Variants in CAMTA1 observed in about 807,000 individuals in gnomAD.
CAMTA1 encodes the protein calmodulin-binding transcription activator 1.
In CAMTA1, 27 loss-of-function variants were observed where a neutral mutation model predicts 170.9. That is an observed-to-expected ratio of 0.16 (90% CI 0.12 to 0.22). The LOEUF (loss-of-function observed/expected upper bound fraction) is 0.22, where lower values mean the gene tolerates loss of function less well. Ranked by LOEUF, CAMTA1 falls within the 10% of genes least tolerant of loss-of-function variation. The pLI is 1.00. For missense variants in CAMTA1, 1,619 were observed against 2,217.2 expected, an observed-to-expected ratio of 0.73 and a Z score of 5.42; for synonymous variants, 833 against 891.5, an observed-to-expected ratio of 0.93 and a Z score of 1.17.
At chr1:7,231,298 G>T (rs367627198) in intron 4 of CAMTA1, among the ~76,000 whole-genome samples, 1 of 151,166 alleles carries the variant, frequency 6.6e-6, no homozygotes. Flanking sequence ...GGCACTGCGT[G>T]ACCCCAGCAT....
intron 5 of CAMTA1, among the ~76,000 whole-genome samples, chr1:7,277,702 G>A (rs989930911): frequency 6.6e-6 from 1 of 151,898 alleles, no homozygotes; most frequent in Non-Finnish European, 1.5e-5. Context: ...ATAAAGACAA[G>A]GAAGACATTG....
At chr1:7,261,483 A>T (rs142004583) in intron 5 of CAMTA1, among the ~76,000 whole-genome samples, 1 of 152,320 alleles carries the variant, frequency 6.6e-6, no homozygotes, top group East Asian at 1.9e-4. Context: ...CAGATTTCCA[A>T]CGGAAGTGAG....
At chr1:7,320,928 A>G (rs1678319369) in intron 5 of CAMTA1, among the ~76,000 whole-genome samples, 1 of 152,106 alleles carries the variant, frequency 6.6e-6, no homozygotes, top group South Asian at 2.1e-4. Context: ...CTACAATGAC[A>G]CCTGGGGTCT....
At chr1:7,117,684 C>T (rs9434469) in intron 4 of CAMTA1, among the ~76,000 whole-genome samples, 46,728 of 152,018 alleles carry the variant, frequency 0.31, 7,697 homozygotes, top group Middle Eastern at 0.39. Flanking sequence ...CGGCCTCTGG[C>T]GCTGGCTTAT....
At chr1:6,850,036 G>GA (rs146898163) in intron 3 of CAMTA1, among the ~76,000 whole-genome samples, 775 of 64,980 alleles carry the variant, frequency 0.012, 7 homozygotes, top group African/African-American at 0.03. Flanking sequence ...CTTTGTCTCA[G>GA]AAAAAAAAAA....
chr1:7,449,205 G>A (rs970451518), intron 5 of CAMTA1, among the ~76,000 whole-genome samples: 2 of 152,230 alleles, frequency 1.3e-5, no homozygotes, highest in African/African-American at 2.4e-5. Context: ...CTGATAAAGC[G>A]AGGAGATGTA....
intron 6 of CAMTA1, among the ~76,000 whole-genome samples, chr1:7,544,467 C>A (rs2094661170): frequency 6.6e-6 from 1 of 152,170 alleles, no homozygotes; most frequent in South Asian, 2.1e-4. Context: ...CATCTCTAAC[C>A]ATTGAGGGTC....
chr1:7,384,346 C>G (rs1277748049), intron 5 of CAMTA1, among the ~76,000 whole-genome samples: 1 of 152,194 alleles, frequency 6.6e-6, no homozygotes, highest in Non-Finnish European at 1.5e-5. Flanking sequence ...GAAAGGGGAG[C>G]AAGCTGGCCA....
At chr1:7,103,647 AAC>A (rs1245095962) in intron 4 of CAMTA1, among the ~76,000 whole-genome samples, 9 of 148,442 alleles carry the variant, frequency 6.1e-5, no homozygotes, top group South Asian at 4.3e-4. Flanking sequence ...ACGCACACAC[AAC>A]ACAACACATG....
chr1:7,293,794 A>C lies in CAMTA1; in HGVS notation c.438+44168A>C, dbSNP rs1165544059. On this transcript the variant is annotated intron_variant, in intron 5 of 22. Transcript: ENST00000303635. This position sits in a 1 kb window ranked among gnomAD's most constrained non-coding sequence, Gnocchi z 4.1. ...TGTTGCTGCCTCCCGATGGCTGCCC[A>C]GGGTTTCCAGCTCTCCCGTGCCCCT... 4.6e-5 allele frequency among the ~76,000 whole-genome samples: 7 copies of C among 152,186 alleles called. No individual in the cohort carries two copies. Among genetic ancestry groups the C allele is most frequent in the Non-Finnish European group, 7.3e-5 (5 of 68,038 alleles).
chr1:7,147,078 CAAA>C (rs766712930), intron 4 of CAMTA1, among the ~76,000 whole-genome samples: 13 of 151,470 alleles, frequency 8.6e-5, no homozygotes, highest in African/African-American at 1.5e-4. Flanking sequence ...CACATGCACA[CAAA>C]AACACACTCA....
chr1:7,466,827 G>T (rs1443259627), intron 5 of CAMTA1, among the ~76,000 whole-genome samples: 1 of 152,104 alleles, frequency 6.6e-6, no homozygotes, highest in Non-Finnish European at 1.5e-5. Context: ...TTTGGTGGGG[G>T]CCCCCATCAC....
chr1:6,789,608 CT>C (rs1425416370), intron 1 of CAMTA1, among the ~76,000 whole-genome samples: 1 of 152,004 alleles, frequency 6.6e-6, no homozygotes, highest in African/African-American at 2.4e-5. Flanking sequence ...TCAGTTGACT[CT>C]TTTGTGGAAC....
At chr1:7,454,083 G>A (rs1321109446) in intron 5 of CAMTA1, among the ~76,000 whole-genome samples, 4 of 152,238 alleles carry the variant, frequency 2.6e-5, no homozygotes, top group Non-Finnish European at 4.4e-5. Flanking sequence ...TTATGTCCCC[G>A]AGGGGAGCTC....
At chr1:7,575,938 G>A (rs954517767) in intron 6 of CAMTA1, among the ~76,000 whole-genome samples, 11 of 152,158 alleles carry the variant, frequency 7.2e-5, no homozygotes, top group African/African-American at 2.2e-4. Context: ...GTGGCAGAGG[G>A]GCGATCAAGG....
intron 11 of CAMTA1, among the ~76,000 whole-genome samples, chr1:7,703,968 C>A (rs1384321397): frequency 6.6e-6 from 1 of 152,024 alleles, no homozygotes; most frequent in Non-Finnish European, 1.5e-5. Context: ...AGCCTGCACT[C>A]CAGCTAAGGG....
chr1:6,940,914 G>GGGGTCCTCACAGGGAGGA (rs1686422843), intron 3 of CAMTA1, among the ~76,000 whole-genome samples: 1 of 124,492 alleles, frequency 8.0e-6, no homozygotes, highest in African/African-American at 2.9e-5. Flanking sequence ...TCACAGGCAG[G>GGGGTCCTCACAGGGAGGA]GGATCCTCAC....
intron 3 of CAMTA1, among the ~76,000 whole-genome samples, chr1:7,057,596 A>G (rs1452244004): frequency 4.6e-5 from 7 of 151,788 alleles, no homozygotes; most frequent in African/African-American, 1.7e-4. Context: ...TCTGACCCCG[A>G]CAGGCTGAGA....
intron 4 of CAMTA1, among the ~76,000 whole-genome samples, chr1:7,128,425 TG>T (rs1645056248): frequency 1.3e-5 from 2 of 151,984 alleles, no homozygotes; most frequent in East Asian, 3.9e-4. Context: ...GAACAGTAGG[TG>T]TGAGATAGCA....
Sources: allele counts gnomAD v4.1 joint callset (sites outside exome capture counted in the v4.1 genomes callset), GRCh38; gene constraint gnomAD v4.1.1; non-coding constraint Gnocchi (gnomAD v3.1); transcripts MANE v1.5; gene names NCBI Gene and HGNC (gene_info 2026-07-23, HGNC 2026-07-21).